NEGR1: variants seen among roughly 807,000 people sequenced by gnomAD.
The protein encoded by NEGR1 is neuronal growth regulator 1, also known as IgLON family member 4.
Under a neutral mutation model 40.9 loss-of-function variants are expected in NEGR1, and 10 were observed. That is an observed-to-expected ratio of 0.24 (90% CI 0.15 to 0.42). The LOEUF is 0.42. Among genes scored for constraint, NEGR1 ranks in the 10% least tolerant of loss-of-function variants. NEGR1 has a pLI of 1.00. For missense variants in NEGR1, 352 were observed against 438.9 expected (o/e 0.80, Z 1.77); for synonymous variants, 185 against 166.8 (o/e 1.11, Z -0.84).
chr1:72,136,150 C>T (rs1359197289), intron 1 of NEGR1, among the ~76,000 whole-genome samples: 1 of 151,864 alleles, frequency 6.6e-6, no homozygotes, highest in Non-Finnish European at 1.5e-5. Flanking sequence ...GCAATAAAAA[C>T]CGTAATGAAG....
At chr1:71,749,826 G>A (rs1655507616) in intron 3 of NEGR1, among the ~76,000 whole-genome samples, 1 of 152,068 alleles carries the variant, frequency 6.6e-6, no homozygotes. Flanking sequence ...TCAGACCACT[G>A]TAAAGTACCA....
intron 3 of NEGR1, among the ~76,000 whole-genome samples, chr1:71,760,182 T>C (rs1157303127): frequency 6.6e-6 from 1 of 152,196 alleles, no homozygotes; most frequent in Non-Finnish European, 1.5e-5. Flanking sequence ...ATGAAATGTT[T>C]GGTGGGTTCC....
intron 1 of NEGR1, among the ~76,000 whole-genome samples, chr1:71,968,773 A>AT (rs1255515950): frequency 3.9e-5 from 6 of 152,058 alleles, no homozygotes; most frequent in Admixed American, 3.3e-4. Flanking sequence ...CACTAAATCT[A>AT]TAGGTACTCT....
chr1:71,887,659 T>A (rs1418393299), intron 2 of NEGR1, among the ~76,000 whole-genome samples: 3 of 152,134 alleles, frequency 2.0e-5, no homozygotes, highest in African/African-American at 7.2e-5. Context: ...GTGTTCAATA[T>A]CCTCCTTCCA....
intron 4 of NEGR1, among the ~76,000 whole-genome samples, chr1:71,625,683 T>C (rs1019412855): frequency 3.3e-5 from 5 of 151,444 alleles, no homozygotes; most frequent in Admixed American, 3.3e-4. Context: ...ATTTTATATA[T>C]ATTTAAATAA....
At chr1:72,072,265 T>C (rs1647497977) in intron 1 of NEGR1, among the ~76,000 whole-genome samples, 1 of 152,182 alleles carries the variant, frequency 6.6e-6, no homozygotes, top group South Asian at 2.1e-4. Context: ...GGAGACTACA[T>C]TATTCATCTC....
intron 2 of NEGR1, among the ~76,000 whole-genome samples, chr1:71,902,395 A>C (rs1489030026): frequency 2.0e-5 from 3 of 152,248 alleles, no homozygotes; most frequent in Non-Finnish European, 4.4e-5. Context: ...GGAATTTTGC[A>C]TAAAGATTAC....
chr1:71,477,612 A>C (rs189220975), intron 6 of NEGR1, among the ~76,000 whole-genome samples: 1 of 152,162 alleles, frequency 6.6e-6, no homozygotes, highest in Non-Finnish European at 1.5e-5. Context: ...TGAATTGATG[A>C]GAATAAGTGT....
At chr1:71,869,884 T>A (rs76462487) in intron 2 of NEGR1, among the ~76,000 whole-genome samples, 1 of 128,880 alleles carries the variant, frequency 7.8e-6, no homozygotes, top group Non-Finnish European at 1.6e-5. Flanking sequence ...TCTTTCTTTC[T>A]TTTTTTTTTT....
intron 6 of NEGR1, among the ~76,000 whole-genome samples, chr1:71,421,116 A>G (rs1646390928): frequency 6.6e-6 from 1 of 152,050 alleles, no homozygotes; most frequent in Admixed American, 6.5e-5. Context: ...CTCATAATAA[A>G]TACGTATTGA....
chr1:71,737,269 A>G (rs928099493), intron 3 of NEGR1, among the ~76,000 whole-genome samples: 3 of 152,186 alleles, frequency 2.0e-5, no homozygotes, highest in Admixed American at 1.3e-4. Context: ...CAATAGTTCT[A>G]GAATTACAAA....
rs909847241 is a variant in NEGR1 at position 71,396,374 on chromosome 1, T to TAATG, written c.*11068_*11071dup. 1 of 152,230 alleles carries TAATG rather than the reference T, an allele frequency of 6.6e-6. No homozygotes were observed. The highest frequency in any genetic ancestry group is 6.5e-5 in the Admixed American group (1 of 15,284). The allele number at this position is 152,230 out of a possible 1,614,324, so 9.4% of individuals were successfully genotyped here. A position where few individuals can be genotyped will look rare whatever the true frequency, so the allele number is the denominator to read the frequency against. On this transcript the variant is annotated 3_prime_UTR_variant, in exon 7 of 7. Transcript: ENST00000357731. ...TTTATTGTCAAATAAGTGGATGGATTAATGAATGAATGAATGCCACATGAA... is the reference window on the plus strand; with the variant it reads ...TTTATTGTCAAATAAGTGGATGGATTAATGAATGAATGAATGAATGCCACATGAA...
intron 6 of NEGR1, among the ~76,000 whole-genome samples, chr1:71,432,198 A>G (rs1019293823): frequency 6.6e-6 from 1 of 152,224 alleles, no homozygotes; most frequent in African/African-American, 2.4e-5. Flanking sequence ...GTGGTAGAGA[A>G]CAGATTAAGT....
chr1:71,508,023 C>G (rs542368794), intron 6 of NEGR1, among the ~76,000 whole-genome samples: 6 of 152,234 alleles, frequency 3.9e-5, no homozygotes, highest in African/African-American at 1.4e-4. Context: ...TTGGGCAGAG[C>G]TACAAATCTC....
intron 6 of NEGR1, among the ~76,000 whole-genome samples, chr1:71,566,165 T>C (rs573511137): frequency 6.6e-6 from 1 of 152,280 alleles, no homozygotes; most frequent in African/African-American, 2.4e-5. Context: ...TGTATTTCTG[T>C]TGTTTTGAAC....
intron 1 of NEGR1, among the ~76,000 whole-genome samples, chr1:72,124,190 C>T (rs146226940): frequency 3.8e-3 from 581 of 151,972 alleles, no homozygotes; most frequent in African/African-American, 0.013. Flanking sequence ...AAGCCATCAC[C>T]AAGGAGGTTT....
chr1:71,651,048 T>G (rs1024254378), intron 4 of NEGR1, among the ~76,000 whole-genome samples: 4 of 152,156 alleles, frequency 2.6e-5, no homozygotes, highest in African/African-American at 9.7e-5. Flanking sequence ...TTTTCTTGGC[T>G]GATGTACACC....
At chr1:71,780,155 A>G (rs1415578687) in intron 2 of NEGR1, among the ~76,000 whole-genome samples, 1 of 151,972 alleles carries the variant, frequency 6.6e-6, no homozygotes, top group African/African-American at 2.4e-5. Context: ...ACTCCCTCAC[A>G]TCCTTTTCTA....
intron 3 of NEGR1, among the ~76,000 whole-genome samples, chr1:71,730,878 G>A (rs1016784036): frequency 9.4e-5 from 4 of 42,706 alleles, no homozygotes; most frequent in Non-Finnish European, 1.5e-4. Flanking sequence ...TGAAGCATTC[G>A]TGTGTGTGTG....
Sources: gnomAD v4.1 joint callset for allele counts (sites outside exome capture counted in the v4.1 genomes callset) on GRCh38, gnomAD v4.1.1 for gene constraint, MANE v1.5 for transcripts, NCBI Gene and HGNC (gene_info 2026-07-23, HGNC 2026-07-21) for gene names.